SLC44A5: variants seen among roughly 807,000 people sequenced by gnomAD.
SLC44A5 encodes solute carrier family 44 member 5, also known as choline transporter-like protein 5.
A neutral mutation model predicts 101.8 loss-of-function variants in SLC44A5; 57 were observed. That is an observed-to-expected ratio of 0.56 (90% CI 0.45 to 0.70). The LOEUF (loss-of-function observed/expected upper bound fraction) is 0.70, where lower values mean the gene tolerates loss of function less well. Ranked by LOEUF, SLC44A5 falls within the 30% of genes least tolerant of loss-of-function variation. The pLI, the probability that SLC44A5 is intolerant of heterozygous loss-of-function variation, is 0.00. For missense variants in SLC44A5, 737 were observed against 853.1 expected, an observed-to-expected ratio of 0.86 and a Z score of 1.70; for synonymous variants, 281 against 290.9, an observed-to-expected ratio of 0.97 and a Z score of 0.35.
the SLC44A5 span, among the ~76,000 whole-genome samples, chr1:75,658,258 T>G: frequency 6.6e-6 from 1 of 151,774 alleles, no homozygotes; most frequent in African/African-American, 2.4e-5. Context: ...ATTTTTTTTG[T>G]AGAGATGGGG....
intron 2 of SLC44A5, among the ~76,000 whole-genome samples, chr1:75,431,547 C>T (rs988336729): frequency 2.0e-5 from 3 of 152,156 alleles, no homozygotes; most frequent in Non-Finnish European, 2.9e-5. Context: ...TTAACAGACT[C>T]ATATGTGACC....
rs371321843 is a variant in SLC44A5, at chr1:75,531,555, G to C, written c.13+9880C>G. On this transcript the variant is annotated intron_variant, in intron 2 of 23. Transcript: ENST00000370859. Reference sequence around the variant, plus strand: ...TTGTAAAAACATAGATTCTGATTCAGTAGGTCTAAGGTGGGCTCTGAGAGT... The same window carrying C: ...TTGTAAAAACATAGATTCTGATTCACTAGGTCTAAGGTGGGCTCTGAGAGT... 2.3e-4 allele frequency among the ~76,000 whole-genome samples: 35 copies of C among 152,336 alleles called. No homozygotes were observed. In the East Asian group the frequency reaches 6.0e-3, roughly 26 times the overall value.
chr1:75,206,453 A>G (rs2100424509), intron 23 of SLC44A5: 1 of 580,098 alleles, frequency 1.7e-6, no homozygotes, highest in Non-Finnish European at 3.1e-6. Context: ...AGCTAATGTC[A>G]TCAAATACCT....
chr1:75,520,911 T>C (rs1002125019), intron 2 of SLC44A5, among the ~76,000 whole-genome samples: 2 of 152,104 alleles, frequency 1.3e-5, no homozygotes, highest in Non-Finnish European at 2.9e-5. Context: ...GACAACACTG[T>C]CATATGTTCA....
At chr1:75,584,142 A>T (rs962909227) in intron 1 of SLC44A5, among the ~76,000 whole-genome samples, 1 of 152,250 alleles carries the variant, frequency 6.6e-6, no homozygotes, top group Admixed American at 6.5e-5. Context: ...GATCCAAAGT[A>T]AAGGGCTTAA....
At position 75,583,355 on chromosome 1, in the gene SLC44A5, G is replaced by C. The variant is rs917202583; in HGVS notation, c.-70+27685C>G. Among the ~76,000 whole-genome samples, 3 of 152,168 alleles carry C rather than the reference G, an allele frequency of 2.0e-5. No individual in the cohort carries two copies. In the East Asian group the frequency reaches 5.8e-4, roughly 29 times the overall value. ...TCATTAAGTACATTTGCAGATTCTTGGGAGACTCTCAACAAGTTCCTATGC... is the reference window on the plus strand; with the variant it reads ...TCATTAAGTACATTTGCAGATTCTTCGGAGACTCTCAACAAGTTCCTATGC... On this transcript the variant is annotated intron_variant, in intron 1 of 23. Transcript: ENST00000370859.
intron 2 of SLC44A5, among the ~76,000 whole-genome samples, chr1:75,459,083 A>G (rs1318055742): frequency 6.6e-6 from 1 of 152,150 alleles, no homozygotes; most frequent in Non-Finnish European, 1.5e-5. Context: ...GCCCCGGAGA[A>G]ATCACTTTAA....
At position 75,268,819 on chromosome 1, in the gene SLC44A5, G is replaced by A. The variant is rs140466014; in HGVS notation, c.260+6139C>T. On this transcript the variant is annotated intron_variant, in intron 6 of 23. Transcript: ENST00000370859. ...AATATATCTCTACCCAATAATTAAT[G>A]ATTAAATGGTATTTTATAATTGACT... Among the ~76,000 whole-genome samples, 255 of 151,988 alleles carry A rather than the reference G, an allele frequency of 1.7e-3. 2 individuals are homozygous for A. The highest frequency in any genetic ancestry group is 2.0e-3 in the Non-Finnish European group (137 of 67,920).
chr1:75,492,420 A>G lies in SLC44A5; in HGVS notation c.13+49015T>C, dbSNP rs149245635. 5.8e-3 allele frequency among the ~76,000 whole-genome samples: 882 copies of G among 152,336 alleles called. 3 individuals are homozygous for G. The highest frequency in any genetic ancestry group is 0.02 in the African/African-American group (845 of 41,574). Reference sequence around the variant, plus strand: ...CTATTTGCCCAGTGGCTATGACAATATCTGGCAAAAAGGAAGCACTCAATA... The same window carrying G: ...CTATTTGCCCAGTGGCTATGACAATGTCTGGCAAAAAGGAAGCACTCAATA... On this transcript the variant is annotated intron_variant, in intron 2 of 23. Transcript: ENST00000370859.
At chr1:75,579,093 T>G (rs552551335) in intron 1 of SLC44A5, among the ~76,000 whole-genome samples, 48 of 152,298 alleles carry the variant, frequency 3.2e-4, no homozygotes, top group African/African-American at 1.1e-3. Flanking sequence ...ATAATTAAAA[T>G]CCACAGTTTA....
In SLC44A5 at chr1:75,465,357, G is replaced by A. The variant is rs965864252; in HGVS notation, c.14-68736C>T. Reference sequence around the variant, plus strand: ...AAGAACACTGAAAATTTCTTGAAACGAATGATAATGGAAACAACATGCCAA... The same window carrying A: ...AAGAACACTGAAAATTTCTTGAAACAAATGATAATGGAAACAACATGCCAA... On this transcript the variant is annotated intron_variant, in intron 2 of 23. Transcript: ENST00000370859. Among the ~76,000 whole-genome samples, 22 of 152,042 alleles carry A rather than the reference G, an allele frequency of 1.4e-4. 1 individual carries two copies. Among genetic ancestry groups the A allele is most frequent in the African/African-American group, 3.4e-4 (14 of 41,508 alleles).
At chr1:75,629,364 G>A in the SLC44A5 span, among the ~76,000 whole-genome samples, 4 of 152,144 alleles carry the variant, frequency 2.6e-5, no homozygotes, top group East Asian at 5.8e-4. Context: ...TTTCTTTAAA[G>A]CAAACAAAGA....
chr1:75,457,002 G>A (rs906345434), intron 2 of SLC44A5, among the ~76,000 whole-genome samples: 1 of 152,130 alleles, frequency 6.6e-6, no homozygotes, highest in African/African-American at 2.4e-5. Flanking sequence ...AAATAATATC[G>A]ATTCCCCAAG....
chr1:75,543,227 A>G (rs371776135), intron 1 of SLC44A5, among the ~76,000 whole-genome samples: 1 of 152,160 alleles, frequency 6.6e-6, no homozygotes, highest in Non-Finnish European at 1.5e-5. Flanking sequence ...CTGAACATCA[A>G]AAAGCTGTAT....
intron 6 of SLC44A5, among the ~76,000 whole-genome samples, chr1:75,260,089 G>C (rs1015543925): frequency 4.6e-5 from 7 of 152,140 alleles, no homozygotes; most frequent in African/African-American, 1.7e-4. Flanking sequence ...AAATTGTAAA[G>C]ACCATCGATG....
intron 2 of SLC44A5, among the ~76,000 whole-genome samples, chr1:75,516,905 A>G (rs1669870100): frequency 6.6e-6 from 1 of 152,226 alleles, no homozygotes; most frequent in South Asian, 2.1e-4. Context: ...AGTATCTCCC[A>G]TTATAAGTCT....
intron 1 of SLC44A5, among the ~76,000 whole-genome samples, chr1:75,604,181 A>T (rs1232573427): frequency 6.6e-6 from 1 of 151,992 alleles, no homozygotes; most frequent in Non-Finnish European, 1.5e-5. Flanking sequence ...TCTTGAGTTA[A>T]TTTTTCCATA....
intron 5 of SLC44A5, 22 bp from the exon 6 acceptor site, chr1:75,275,064 A>G (rs1442703114): frequency 6.2e-7 from 1 of 1,602,164 alleles, no homozygotes; most frequent in South Asian, 1.1e-5. Context: ...AGAAAGGACA[A>G]ATATGCTATC....
chr1:75,592,184 G>T (rs566861352), intron 1 of SLC44A5, among the ~76,000 whole-genome samples: 1 of 151,952 alleles, frequency 6.6e-6, no homozygotes, highest in African/African-American at 2.4e-5. Context: ...AAAGTTGCAG[G>T]ATACAAAATT....
Sources: gnomAD v4.1 joint callset for allele counts (sites outside exome capture counted in the v4.1 genomes callset) on GRCh38, gnomAD v4.1.1 for gene constraint, MANE v1.5 for transcripts, NCBI Gene and HGNC (gene_info 2026-07-23, HGNC 2026-07-21) for gene names.